BTBD9: variants seen among roughly 807,000 people sequenced by gnomAD.
BTBD9 encodes the protein BTB/POZ domain-containing protein 9.
BTBD9 carries 49 observed loss-of-function variants against 64.3 expected under a neutral mutation model. The ratio of observed to expected loss-of-function variants is 0.76; its 90% CI spans 0.61 to 0.97. BTBD9 has a LOEUF of 0.97. BTBD9 is among the 50% of genes least tolerant of loss of function. BTBD9 has a pLI of 0.00. For missense variants in BTBD9, 598 were observed against 762.1 expected, an observed-to-expected ratio of 0.78 and a Z score of 2.53; for synonymous variants, 260 against 274.7, an observed-to-expected ratio of 0.95 and a Z score of 0.53.
intron 7 of BTBD9, among the ~76,000 whole-genome samples, chr6:38,296,962 T>C (rs758368827): frequency 1.3e-5 from 2 of 152,358 alleles, no homozygotes; most frequent in South Asian, 2.1e-4. Flanking sequence ...CAAAAGAATG[T>C]ATATTCTCTA....
intron 6 of BTBD9, among the ~76,000 whole-genome samples, chr6:38,444,065 C>A (rs1414063668): frequency 1.3e-5 from 2 of 152,198 alleles, no homozygotes; most frequent in African/African-American, 4.8e-5. Context: ...GGTACCTGAT[C>A]ACTAAGTGCT....
intron 2 of BTBD9, chr6:38,595,710 C>T: frequency 1.1e-6 from 1 of 949,374 alleles, no homozygotes; most frequent in Non-Finnish European, 1.3e-6. Flanking sequence ...AGCATTCTTG[C>T]TTGCCCCAGA....
chr6:38,425,876 C>G (rs997780630), intron 6 of BTBD9, among the ~76,000 whole-genome samples: 1 of 151,158 alleles, frequency 6.6e-6, no homozygotes, highest in Non-Finnish European at 1.5e-5. Flanking sequence ...ATAATTAAGC[C>G]ACTGCACTCC....
intron 6 of BTBD9, among the ~76,000 whole-genome samples, chr6:38,532,028 G>A (rs1026439452): frequency 1.1e-4 from 17 of 152,190 alleles, no homozygotes; most frequent in African/African-American, 4.1e-4. Context: ...TCATATCCCT[G>A]AAAGAGGTGC....
At chr6:38,506,632 C>G (rs988935799) in intron 6 of BTBD9, among the ~76,000 whole-genome samples, 108 of 152,338 alleles carry the variant, frequency 7.1e-4, no homozygotes, top group Non-Finnish European at 3.5e-4. Flanking sequence ...TGGAGACTAT[C>G]TGTATTTTAC....
intron 6 of BTBD9, among the ~76,000 whole-genome samples, chr6:38,414,069 C>T (rs961513472): frequency 2.0e-5 from 3 of 151,998 alleles, no homozygotes; most frequent in Non-Finnish European, 4.4e-5. Flanking sequence ...TCCAGAGTAC[C>T]CCCAAAAGTT....
chr6:38,176,331 A>G (rs1761246910), intron 10 of BTBD9, among the ~76,000 whole-genome samples: 1 of 152,150 alleles, frequency 6.6e-6, no homozygotes, highest in African/African-American at 2.4e-5. Flanking sequence ...TGTTTTTTCC[A>G]TATTCCCACT....
At chr6:38,584,216 T>A (rs754261843) in intron 4 of BTBD9, among the ~76,000 whole-genome samples, 6 of 152,120 alleles carry the variant, frequency 3.9e-5, no homozygotes. Flanking sequence ...TAATCCCAGC[T>A]ACCTGGGCAG....
At chr6:38,491,230 G>A (rs955153986) in intron 6 of BTBD9, among the ~76,000 whole-genome samples, 2 of 152,212 alleles carry the variant, frequency 1.3e-5, no homozygotes, top group Non-Finnish European at 1.5e-5. Context: ...TCTGTCCCGT[G>A]GAAATACCCG....
At chr6:38,585,938 CCACA>C (rs10660204) in intron 4 of BTBD9, among the ~76,000 whole-genome samples, 8,956 of 140,784 alleles carry the variant, frequency 0.064, 351 homozygotes, top group East Asian at 0.14. Flanking sequence ...ACAGGACAGA[CCACA>C]CACACACACA....
At chr6:38,193,017 G>A (rs963161470) in intron 9 of BTBD9, among the ~76,000 whole-genome samples, 5 of 151,820 alleles carry the variant, frequency 3.3e-5, no homozygotes, top group Non-Finnish European at 5.9e-5. Flanking sequence ...TGACAGGCCT[G>A]CACGTTGTGC....
chr6:38,211,140 G>T (rs1762818265), intron 9 of BTBD9, among the ~76,000 whole-genome samples: 1 of 152,218 alleles, frequency 6.6e-6, no homozygotes, highest in African/African-American at 2.4e-5. Flanking sequence ...TAAGAAATGG[G>T]TTCATAAGGC....
rs528010945 is a variant in BTBD9 at position 38,293,615 on chromosome 6, A to T, written c.1265-5154T>A. ...GGTGCTGGGAAAACTGGCTAGCCAC[A>T]TGCAGAAAACTGAAACTGAACCCCT... On this transcript the variant is annotated intron_variant, in intron 7 of 10. Coordinates refer to ENST00000481247, the MANE Select transcript of BTBD9 (RefSeq NM_001099272.2). Among the ~76,000 whole-genome samples the T allele has an allele frequency of 2.6e-5, 4 of 152,350 alleles. No individual in the cohort carries two copies. In the South Asian group the frequency reaches 8.3e-4, roughly 32 times the overall value.
intron 4 of BTBD9, 105 bp downstream of exon 4, chr6:38,592,471 T>C: frequency 9.8e-6 from 12 of 1,223,766 alleles, no homozygotes; most frequent in Non-Finnish European, 1.4e-5. Flanking sequence ...ACGTACATAT[T>C]TCATGTACAC....
At chr6:38,210,861 G>C (rs1451376303) in intron 9 of BTBD9, among the ~76,000 whole-genome samples, 1 of 152,118 alleles carries the variant, frequency 6.6e-6, no homozygotes, top group East Asian at 1.9e-4. Context: ...GTATGAGAGA[G>C]AAACTGGGAC....
intron 10 of BTBD9, among the ~76,000 whole-genome samples, chr6:38,183,863 C>A (rs532407176): frequency 2.0e-5 from 3 of 152,216 alleles, no homozygotes; most frequent in Non-Finnish European, 2.9e-5. Context: ...GAATCCCACA[C>A]CAACGCTCTG....
At chr6:38,609,420 T>A (rs535745655) in intron 1 of BTBD9, among the ~76,000 whole-genome samples, 12 of 152,294 alleles carry the variant, frequency 7.9e-5, no homozygotes, top group Admixed American at 2.6e-4. Flanking sequence ...ACTTTTCCTA[T>A]AAAACTATCA....
At chr6:38,577,158 C>A (rs570153379) in intron 6 of BTBD9, among the ~76,000 whole-genome samples, 1 of 152,290 alleles carries the variant, frequency 6.6e-6, no homozygotes, top group Admixed American at 6.5e-5. Context: ...AGAACATGTA[C>A]AATGGCATTC....
Position 38,173,891 on chromosome 6 carries a change from C to T in BTBD9, c.*1094G>A, listed in dbSNP as rs1489172726. On this transcript the variant is annotated 3_prime_UTR_variant, in exon 11 of 11. Coordinates refer to ENST00000481247, the MANE Select transcript of BTBD9 (RefSeq NM_001099272.2). ...AGACGGAGCCACATCAAGCCACCATCGTCAAATGAGGTCCTTTTGATGAGG... is the reference window on the plus strand; with the variant it reads ...AGACGGAGCCACATCAAGCCACCATTGTCAAATGAGGTCCTTTTGATGAGG... 2 of 152,266 alleles carry T rather than the reference C, an allele frequency of 1.3e-5. No individual in the cohort carries two copies. The highest frequency in any genetic ancestry group is 4.8e-5 in the African/African-American group (2 of 41,440). 9.4% of individuals were successfully genotyped at this position (152,266 alleles called of 1,614,324 possible). A position where few individuals can be genotyped will look rare whatever the true frequency, so the allele number is the denominator to read the frequency against.
Sources: allele counts gnomAD v4.1 joint callset (sites outside exome capture counted in the v4.1 genomes callset), GRCh38; gene constraint gnomAD v4.1.1; transcripts MANE v1.5; gene names NCBI Gene and HGNC (gene_info 2026-07-23, HGNC 2026-07-21).